Variants in HTT observed in about 807,000 individuals in gnomAD.
The protein encoded by HTT is huntington disease protein.
HTT carries 104 observed loss-of-function variants against 362.3 expected under a neutral mutation model. The observed-to-expected ratio is 0.29, with a 90% CI of 0.24 to 0.34. HTT has a LOEUF of 0.34. Among genes scored for constraint, HTT ranks in the 10% least tolerant of loss-of-function variants. The pLI is 1.00. For missense variants in HTT, 3,301 were observed against 3,928.6 expected, an observed-to-expected ratio of 0.84 and a Z score of 4.27; for synonymous variants, 1,577 against 1,548.7, an observed-to-expected ratio of 1.02 and a Z score of -0.43.
At chr4:3,118,586 G>A (rs963301817) in intron 8 of HTT, among the ~76,000 whole-genome samples, 2 of 152,268 alleles carry the variant, frequency 1.3e-5, no homozygotes, top group African/African-American at 4.8e-5. Context: ...AGCAAGGGTG[G>A]GTCCTGAAAA....
chr4:3,140,377 G>C (rs1307488949), intron 21 of HTT, 133 bp from the exon 22 acceptor site: 1 of 691,024 alleles, frequency 1.4e-6, no homozygotes, highest in East Asian at 2.7e-5. Context: ...AACGCCACCT[G>C]AGAAAGGGGG....
Position 3,188,197 on chromosome 4 carries a change from G to C in HTT, c.5225+311G>C, listed in dbSNP as rs1380157711. The C allele has an allele frequency of 2.5e-5, 6 of 238,772 alleles. No individual in the cohort carries two copies. In the East Asian group the frequency reaches 5.5e-4, roughly 22 times the overall value. 14.8% of individuals were successfully genotyped at this position (238,772 alleles called of 1,614,324 possible). On this transcript the variant is annotated intron_variant, in intron 39 of 66. Transcript: ENST00000355072. ...GGCAGTAGGGGCACGCTGACGTCAG[G>C]GAAGTTGAAACCCAAGAGAAGCCAG...
At chr4:3,078,728 C>G (rs1207019010) in intron 1 of HTT, among the ~76,000 whole-genome samples, 4 of 150,516 alleles carry the variant, frequency 2.7e-5, no homozygotes, top group Admixed American at 2.6e-4. Flanking sequence ...ACTGCCATGC[C>G]TGGGTAATTT....
chr4:3,225,651 G>T lies in HTT; in HGVS notation c.7766-10G>T. 6.2e-7 allele frequency: 1 copy of T among 1,613,142 alleles called. No individual in the cohort carries two copies. Among genetic ancestry groups the T allele is most frequent in the Non-Finnish European group, 8.5e-7 (1 of 1,179,192 alleles). On this transcript the variant is annotated splice_polypyrimidine_tract_variant and intron_variant, in intron 56 of 66. Transcript: ENST00000355072. ...GTGCAGATCAAGACTCAGGGTGCTG[G>T]TGTTCACAGGTGCCCTCATCAGCCA...
intron 54 of HTT, 87 bp downstream of exon 54, chr4:3,222,574 T>A (rs780916896): frequency 2.1e-6 from 2 of 959,514 alleles, no homozygotes; most frequent in Non-Finnish European, 3.2e-6. Context: ...GGCAGCAAGC[T>A]GGTGTTCTTT....
Position 3,121,400 on chromosome 4 carries a change from G to C in HTT, c.1241G>C (p.Arg414Pro). The change falls in exon 9 of 67, where the codon CGA becomes CCA. Residue 414 changes from arginine to proline, a missense_variant. This residue lies in a region of HTT where 2,316 missense variants were observed against 2,658.5 expected (regional missense o/e 0.87). Transcript: ENST00000355072. ...GCTGCTAAGGAGGAGTCTGGTGGCC[G>C]AAGCCGTAGTGGGAGTATTGTGGAA... ...LTAAKEESGGRSRSGSIVELI... is the reference protein window; with the variant it reads ...LTAAKEESGGPSRSGSIVELI... The C allele has an allele frequency of 1.2e-6, 2 of 1,614,078 alleles. No homozygotes were observed. The highest frequency in any genetic ancestry group is 2.2e-5 in the South Asian group (2 of 91,078).
At chr4:3,129,837 T>C in intron 12 of HTT, 87 bp from the exon 13 acceptor site, 2 of 1,500,840 alleles carry the variant, frequency 1.3e-6, no homozygotes, top group South Asian at 1.1e-5. Flanking sequence ...TAAAATGTGC[T>C]CTTTCCTCAT....
intron 3 of HTT, among the ~76,000 whole-genome samples, chr4:3,100,556 T>C (rs1424572601): frequency 1.3e-5 from 2 of 152,224 alleles, no homozygotes; most frequent in African/African-American, 4.8e-5. Flanking sequence ...ATTCCTGCTT[T>C]GCTCGCATCT....
chr4:3,076,021 A>C (rs1300209783), intron 1 of HTT, among the ~76,000 whole-genome samples: 2 of 152,204 alleles, frequency 1.3e-5, no homozygotes, highest in East Asian at 3.8e-4. Context: ...ACATTTTACC[A>C]GTATTCCAGT....
intron 1 of HTT, among the ~76,000 whole-genome samples, chr4:3,085,637 A>G (rs954824864): frequency 1.2e-4 from 18 of 152,336 alleles, no homozygotes; most frequent in African/African-American, 4.1e-4. Context: ...CCATGGGGGA[A>G]GGAATTAGTT....
intron 19 of HTT, 66 bp downstream of exon 19, chr4:3,134,606 T>G: frequency 1.4e-6 from 2 of 1,395,664 alleles, no homozygotes; most frequent in Non-Finnish European, 2.0e-6. Context: ...GATCACTTGA[T>G]GCAAGGAATG....
At chr4:3,164,469 C>G (rs6828882) in intron 29 of HTT, among the ~76,000 whole-genome samples, 26,595 of 152,076 alleles carry the variant, frequency 0.17, 3,440 homozygotes, top group African/African-American at 0.37. Flanking sequence ...GAGTTCAAGT[C>G]CTGGATATCC....
chr4:3,120,794 A>G (rs900774375), intron 8 of HTT, among the ~76,000 whole-genome samples: 2 of 152,222 alleles, frequency 1.3e-5, no homozygotes, highest in Non-Finnish European at 2.9e-5. Flanking sequence ...ACTGTGATAT[A>G]GTATTAAAAG....
In HTT at chr4:3,238,914, A is replaced by G. The variant is rs1260743406; in HGVS notation, c.9151A>G (p.Met3051Val). ...CTTCACGCAGAGGGCCCCGGTCGCCATGGCCACGTGGAGCCTCTCCTGCTT... is the reference window on the plus strand; with the variant it reads ...CTTCACGCAGAGGGCCCCGGTCGCCGTGGCCACGTGGAGCCTCTCCTGCTT... ...SNFTQRAPVA[M>V]ATWSLSCFFV... The change falls in exon 66 of 67, where the codon ATG (methionine) becomes GTG (valine). Residue 3051 changes from methionine to valine, a missense_variant. Transcript: ENST00000355072. 1.9e-6 allele frequency: 3 copies of G among 1,611,222 alleles called. No homozygotes were observed. The highest frequency in any genetic ancestry group is 1.7e-6 in the Non-Finnish European group (2 of 1,179,536).
intron 1 of HTT, among the ~76,000 whole-genome samples, chr4:3,080,744 G>A (rs1462820177): frequency 6.6e-6 from 1 of 152,186 alleles, no homozygotes; most frequent in African/African-American, 2.4e-5. Flanking sequence ...ATTTAAGTCT[G>A]ATCCATTTTG....
At chr4:3,086,630 TATC>T (rs2110141652) in intron 1 of HTT, among the ~76,000 whole-genome samples, 1 of 152,338 alleles carries the variant, frequency 6.6e-6, no homozygotes, top group East Asian at 1.9e-4. Context: ...ATGATTGTGC[TATC>T]GTACTCCAGC....
At chr4:3,191,183 T>C (rs201963126) in intron 40 of HTT, among the ~76,000 whole-genome samples, 2 of 92,420 alleles carry the variant, frequency 2.2e-5, no homozygotes, top group African/African-American at 6.7e-5. Context: ...TTCTTTCTTT[T>C]TTTTTTTGAG....
At chr4:3,208,357 C>A (rs1719970740) in intron 45 of HTT, among the ~76,000 whole-genome samples, 1 of 152,180 alleles carries the variant, frequency 6.6e-6, no homozygotes, top group South Asian at 2.1e-4. Flanking sequence ...TTTGAAATGA[C>A]CATGAATTCC....
Position 3,175,005 on chromosome 4 carries a change from G to T in HTT, c.4305G>T (p.Gln1435His), listed in dbSNP as rs745410877. Residue 1435 changes from glutamine (Q) to histidine (H), a missense_variant, in exon 33 of 67, where the codon CAG (glutamine) becomes CAT (histidine). By Grantham distance (24) the Gln-to-His change is conservative. Around this residue, in one of 4 missense-constraint regions of HTT, gnomAD observed 2,316 missense variants for 2,658.5 expected, o/e 0.87. Transcript: ENST00000355072. ...FEPLVIKALKQYTTTTCVQLQ... is the reference protein window; with the variant it reads ...FEPLVIKALKHYTTTTCVQLQ... ...CTCTTGTTATAAAAGCTTTAAAACA[G>T]TACACGACTACAACATGTGTGCAGT... The T allele has an allele frequency of 6.2e-7, 1 of 1,612,624 alleles. No individual in the cohort carries two copies. The highest frequency in any genetic ancestry group is 1.7e-5 in the Admixed American group (1 of 60,002).
Sources: gnomAD v4.1 joint callset for allele counts (sites outside exome capture counted in the v4.1 genomes callset) on GRCh38, gnomAD v4.1.1 for gene constraint, gnomAD v4.1.1 regional missense constraint, MANE v1.5 for transcripts, NCBI Gene and HGNC (gene_info 2026-07-23, HGNC 2026-07-21) for gene names.